ME1: variants seen among roughly 807,000 people sequenced by gnomAD.
ME1 encodes the protein NADP-dependent malic enzyme.
ME1 carries 74 observed loss-of-function variants against 66.4 expected under a neutral mutation model. The observed-to-expected ratio is 1.11, with a 90% CI of 0.92 to 1.35. The LOEUF is 1.35. Among genes scored for constraint, ME1 ranks in the 40% most tolerant of loss-of-function variants. The pLI is 0.00. For synonymous variants in ME1, 251 were observed against 235.6 expected (o/e 1.07, Z -0.60); for missense variants, 750 against 694.1 (o/e 1.08, Z -0.90).
chr6:83,319,311 A>G (rs1054496758), intron 5 of ME1, among the ~76,000 whole-genome samples: 3 of 150,836 alleles, frequency 2.0e-5, no homozygotes, highest in Non-Finnish European at 4.4e-5. Context: ...AATAATAAAA[A>G]AAATAAAATA....
At chr6:83,318,647 G>A (rs1583377568) in intron 5 of ME1, among the ~76,000 whole-genome samples, 1 of 12,256 alleles carries the variant, frequency 8.2e-5, no homozygotes, top group East Asian at 1.6e-3. Context: ...AAAAAGTCAG[G>A]AAACAACAGG....
chr6:83,350,976 A>G (rs1057275911), intron 4 of ME1, among the ~76,000 whole-genome samples: 1 of 131,544 alleles, frequency 7.6e-6, no homozygotes, highest in Non-Finnish European at 1.6e-5. Flanking sequence ...GAAAGCAAAA[A>G]AAAAAAAAAA....
chr6:83,353,311 C>A (rs1768833858), intron 3 of ME1, among the ~76,000 whole-genome samples: 1 of 152,140 alleles, frequency 6.6e-6, no homozygotes, highest in African/African-American at 2.4e-5. Flanking sequence ...GCTTATTTTG[C>A]TAAATGTCTA....
intron 6 of ME1, among the ~76,000 whole-genome samples, chr6:83,283,177 G>A (rs1252751854): frequency 7.5e-6 from 1 of 133,732 alleles, no homozygotes; most frequent in Non-Finnish European, 1.6e-5. Context: ...GCAGTGAGCC[G>A]AGATCGCGCC....
intron 3 of ME1, among the ~76,000 whole-genome samples, chr6:83,365,128 T>C (rs1400416569): frequency 6.6e-6 from 1 of 152,120 alleles, no homozygotes; most frequent in Non-Finnish European, 1.5e-5. Context: ...GTATCGCTCT[T>C]GTTGCCCAGG....
At chr6:83,374,911 T>C (rs1028484977) in intron 3 of ME1, among the ~76,000 whole-genome samples, 1 of 152,176 alleles carries the variant, frequency 6.6e-6, no homozygotes, top group African/African-American at 2.4e-5. Context: ...GTTAGAGATG[T>C]GTGGTCTTAT....
At chr6:83,357,935 C>CTATATATATATA (rs60624497) in intron 3 of ME1, among the ~76,000 whole-genome samples, 16 of 30,022 alleles carry the variant, frequency 5.3e-4, no homozygotes, top group Admixed American at 2.2e-3. Flanking sequence ...CTCTCTCTCT[C>CTATATATATATA]TATATATATA....
chr6:83,343,688 G>C (rs1768631675), intron 5 of ME1, among the ~76,000 whole-genome samples: 1 of 152,164 alleles, frequency 6.6e-6, no homozygotes, highest in Non-Finnish European at 1.5e-5. Context: ...AGGATAGGTG[G>C]ATGCGTTCTG....
chr6:83,285,367 G>A (rs1767376967), intron 6 of ME1, among the ~76,000 whole-genome samples: 1 of 152,118 alleles, frequency 6.6e-6, no homozygotes, highest in Non-Finnish European at 1.5e-5. Flanking sequence ...TATAGTGAGT[G>A]CTTACTTGCA....
chr6:83,311,048 C>A (rs77074338), intron 6 of ME1, among the ~76,000 whole-genome samples: 1 of 152,154 alleles, frequency 6.6e-6, no homozygotes, highest in African/African-American at 2.4e-5. Flanking sequence ...CACAAAGTGG[C>A]CTTCCCCTTC....
intron 6 of ME1, among the ~76,000 whole-genome samples, chr6:83,254,901 G>C (rs2128528442): frequency 6.6e-6 from 1 of 152,166 alleles, no homozygotes; most frequent in Admixed American, 6.5e-5. Context: ...AAACCTCTCA[G>C]AACAGAGAAT....
Position 83,228,853 on chromosome 6 carries a change from G to A in ME1, c.1105C>T (p.Gln369Ter). ...EEMKNLEAIV[Q>*]EIKPTALIGV... ...ATGAGGGCAGTTGGTTTTATTTCTT[G>A]AACAATGGCTTCTAGGTTCTTCATT... The change falls in exon 10 of 14, where the codon CAA becomes TAA. Residue 369 changes from glutamine (Q) to a stop codon, truncating the protein, a stop_gained. Transcript: ENST00000369705. LOFTEE classifies it high-confidence loss of function. The A allele has an allele frequency of 6.2e-7, 1 of 1,612,382 alleles. No homozygotes were observed. Among genetic ancestry groups the A allele is most frequent in the South Asian group, 1.1e-5 (1 of 90,698 alleles).
intron 5 of ME1, among the ~76,000 whole-genome samples, chr6:83,331,575 G>A: frequency 7.1e-6 from 1 of 141,608 alleles, no homozygotes. Flanking sequence ...AACAGAGCAA[G>A]ACTCCATCTC....
intron 6 of ME1, among the ~76,000 whole-genome samples, chr6:83,277,687 A>C (rs1260751548): frequency 6.6e-6 from 1 of 152,090 alleles, no homozygotes; most frequent in Non-Finnish European, 1.5e-5. Context: ...AGATCACTTG[A>C]GGTCAGGAGT....
At chr6:83,358,846 C>T (rs942819806) in intron 3 of ME1, among the ~76,000 whole-genome samples, 7 of 152,010 alleles carry the variant, frequency 4.6e-5, no homozygotes, top group African/African-American at 1.2e-4. Flanking sequence ...TCCCCTGAGG[C>T]AGTTGCCAGG....
At chr6:83,371,131 T>G (rs551202274) in intron 3 of ME1, among the ~76,000 whole-genome samples, 5 of 152,220 alleles carry the variant, frequency 3.3e-5, no homozygotes, top group Non-Finnish European at 7.4e-5. Context: ...CTATAAACTT[T>G]CTAATAATTT....
At chr6:83,417,563 TAG>T (rs1255497759) in intron 1 of ME1, among the ~76,000 whole-genome samples, 1 of 151,982 alleles carries the variant, frequency 6.6e-6, no homozygotes, top group Non-Finnish European at 1.5e-5. Context: ...GTATTTTTAG[TAG>T]AGACGGGGTT....
intron 6 of ME1, among the ~76,000 whole-genome samples, chr6:83,281,841 G>C (rs1055666416): frequency 3.5e-4 from 24 of 69,328 alleles, no homozygotes; most frequent in Admixed American, 6.9e-4. Flanking sequence ...AAAAAGAAAA[G>C]AAAACAAAAA....
chr6:83,404,646 C>T (rs918964758), intron 2 of ME1, among the ~76,000 whole-genome samples: 4 of 152,224 alleles, frequency 2.6e-5, no homozygotes, highest in Non-Finnish European at 5.9e-5. Context: ...TTAGGTCTTA[C>T]GTTTAAATCG....
Sources: gnomAD v4.1 joint callset for allele counts (sites outside exome capture counted in the v4.1 genomes callset) on GRCh38, gnomAD v4.1.1 for gene constraint, MANE v1.5 for transcripts, NCBI Gene and HGNC (gene_info 2026-07-23, HGNC 2026-07-21) for gene names.